Variants in CMSS1 observed in about 807,000 individuals in gnomAD.
The protein encoded by CMSS1 is protein CMSS1.
A neutral mutation model predicts 43.5 loss-of-function variants in CMSS1; 33 were observed. The observed-to-expected ratio is 0.76, with a 90% CI of 0.57 to 1.01. The LOEUF (loss-of-function observed/expected upper bound fraction) is 1.01, where lower values mean the gene tolerates loss of function less well. Ranked by LOEUF, CMSS1 falls within the 50% of genes least tolerant of loss-of-function variation. The probability of loss-of-function intolerance (pLI) is 0.00; values close to 1 mark genes in which losing one functional copy is unlikely to be tolerated. For missense variants in CMSS1, 313 were observed against 326.4 expected (o/e 0.96, Z 0.32); for synonymous variants, 115 against 117.2 (o/e 0.98, Z 0.12).
intron 1 of CMSS1, among the ~76,000 whole-genome samples, chr3:100,010,444 G>T (rs866907202): frequency 4.6e-5 from 7 of 152,052 alleles, no homozygotes; most frequent in African/African-American, 1.4e-4. Flanking sequence ...GCTCCAAGAA[G>T]TAGAGAAGTT....
chr3:100,119,516 G>A (rs1448354767), intron 1 of CMSS1, among the ~76,000 whole-genome samples: 3 of 152,204 alleles, frequency 2.0e-5, no homozygotes, highest in Non-Finnish European at 2.9e-5. Flanking sequence ...TTCTTGGGGT[G>A]CAGAGTGCAC....
intron 1 of CMSS1, among the ~76,000 whole-genome samples, chr3:99,926,953 C>A (rs1312506598): frequency 1.3e-5 from 2 of 152,180 alleles, no homozygotes; most frequent in Non-Finnish European, 2.9e-5. Flanking sequence ...TCATCACTGA[C>A]AGCATGATTT....
chr3:100,070,693 G>T (rs577599426), intron 1 of CMSS1, among the ~76,000 whole-genome samples: 2 of 152,078 alleles, frequency 1.3e-5, no homozygotes, highest in Admixed American at 1.3e-4. Context: ...GTGCAGTGGC[G>T]CAATCTCGGC....
chr3:99,999,657 A>G (rs1345939018), intron 1 of CMSS1, among the ~76,000 whole-genome samples: 1 of 152,162 alleles, frequency 6.6e-6, no homozygotes, highest in Non-Finnish European at 1.5e-5. Flanking sequence ...TAAACACATC[A>G]AAGAAGTCTG....
chr3:99,979,393 G>C (rs1201806010), intron 1 of CMSS1, among the ~76,000 whole-genome samples: 3 of 152,184 alleles, frequency 2.0e-5, no homozygotes, highest in Non-Finnish European at 2.9e-5. Flanking sequence ...TATCACAGTA[G>C]AATGATTCTA....
intron 1 of CMSS1, among the ~76,000 whole-genome samples, chr3:99,986,962 C>T (rs1156937258): frequency 6.6e-6 from 1 of 152,116 alleles, no homozygotes; most frequent in African/African-American, 2.4e-5. Flanking sequence ...GGCACAGTGG[C>T]TCATGCCTAT....
At chr3:100,135,438 ATGTGTG>A (rs71132511) in intron 1 of CMSS1, among the ~76,000 whole-genome samples, 27,647 of 120,618 alleles carry the variant, frequency 0.23, 2,774 homozygotes, top group Admixed American at 0.28. Context: ...GTGTGTGTGC[ATGTGTG>A]TGTGTGTGTG....
At chr3:100,176,296 A>C (rs367914068) in intron 8 of CMSS1, 31 bp from the exon 9 acceptor site, 3 of 1,434,092 alleles carry the variant, frequency 2.1e-6, no homozygotes, top group Middle Eastern at 3.5e-4. Flanking sequence ...TGAGGTCTTT[A>C]CTACAGCAAC....
intron 1 of CMSS1, chr3:100,110,107 T>G (rs1447006358): frequency 1.3e-5 from 2 of 151,994 alleles, no homozygotes; most frequent in African/African-American, 4.8e-5. Flanking sequence ...TATTTTTACA[T>G]TGATTGGAAG....
chr3:99,915,537 G>A (rs1016797695), intron 1 of CMSS1, among the ~76,000 whole-genome samples: 32 of 152,140 alleles, frequency 2.1e-4, no homozygotes, highest in Non-Finnish European at 3.8e-4. Context: ...CGCATATTTG[G>A]AAGGCTACAT....
At chr3:99,886,381 A>G (rs913770683) in intron 1 of CMSS1, among the ~76,000 whole-genome samples, 12 of 152,110 alleles carry the variant, frequency 7.9e-5, no homozygotes, top group Non-Finnish European at 1.8e-4. Context: ...TACCATACAT[A>G]AAATACACTT....
intron 1 of CMSS1, among the ~76,000 whole-genome samples, chr3:100,026,138 G>T (rs2064916355): frequency 6.6e-6 from 1 of 152,164 alleles, no homozygotes; most frequent in Admixed American, 6.6e-5. Context: ...TCTGTATCAG[G>T]ATGCTGTCAA....
intron 1 of CMSS1, among the ~76,000 whole-genome samples, chr3:100,026,885 T>C (rs1332252645): frequency 1.3e-5 from 2 of 152,090 alleles, no homozygotes; most frequent in African/African-American, 2.4e-5. Flanking sequence ...AGTCTCCGCA[T>C]CTTACTCAGC....
chr3:100,002,147 G>A (rs1387262663), intron 1 of CMSS1, among the ~76,000 whole-genome samples: 1 of 152,186 alleles, frequency 6.6e-6, no homozygotes, highest in African/African-American at 2.4e-5. Context: ...ACAGACCTGT[G>A]TCTCTAATGA....
chr3:100,114,922 C>T (rs762945088), intron 1 of CMSS1: 37 of 1,529,460 alleles, frequency 2.4e-5, no homozygotes, highest in Non-Finnish European at 3.2e-5. Context: ...GAATGCCTGC[C>T]TGTTCCATTT....
intron 1 of CMSS1, among the ~76,000 whole-genome samples, chr3:100,000,592 G>A (rs1459935774): frequency 6.6e-6 from 1 of 152,208 alleles, no homozygotes; most frequent in Non-Finnish European, 1.5e-5. Flanking sequence ...GCTTATGGCT[G>A]TAATTCCAGC....
chr3:99,919,423 A>G (rs558068905), intron 1 of CMSS1, among the ~76,000 whole-genome samples: 132 of 148,824 alleles, frequency 8.9e-4, no homozygotes, highest in Non-Finnish European at 1.4e-3. Flanking sequence ...AGTATCTAGT[A>G]TGGGACCTGG....
intron 6 of CMSS1, among the ~76,000 whole-genome samples, chr3:100,170,776 G>A (rs1287008349): frequency 6.6e-6 from 1 of 152,170 alleles, no homozygotes; most frequent in Non-Finnish European, 1.5e-5. Flanking sequence ...AGAGCTGGTG[G>A]TCTGGATTGT....
intron 1 of CMSS1, among the ~76,000 whole-genome samples, chr3:99,944,754 T>G (rs1707957630): frequency 6.6e-6 from 1 of 152,172 alleles, no homozygotes; most frequent in Admixed American, 6.5e-5. Context: ...CTGTGTAAAG[T>G]TGGGAGAGAC....
Sources: gnomAD v4.1 joint callset for allele counts (sites outside exome capture counted in the v4.1 genomes callset) on GRCh38, gnomAD v4.1.1 for gene constraint, MANE v1.5 for transcripts, NCBI Gene and HGNC (gene_info 2026-07-23, HGNC 2026-07-21) for gene names.